Variants in KCNN3 observed in about 807,000 individuals in gnomAD.
The protein encoded by KCNN3 is potassium calcium-activated channel subfamily N member 3.
Under a neutral mutation model 62.9 loss-of-function variants are expected in KCNN3, and 16 were observed. That is an observed-to-expected ratio of 0.25 (90% CI 0.17 to 0.39). The LOEUF is 0.39. KCNN3 is among the 10% of genes least tolerant of loss of function. The probability of loss-of-function intolerance (pLI) is 1.00; values close to 1 mark genes in which losing one functional copy is unlikely to be tolerated. For synonymous variants in KCNN3, 370 were observed against 389.2 expected (o/e 0.95, Z 0.58); for missense variants, 599 against 949.4 (o/e 0.63, Z 4.85).
Position 154,812,660 on chromosome 1 carries a change from C to A in KCNN3, c.1029+9429G>T, listed in dbSNP as rs745744140. ...TGGATTGTTAAGGCAGGGGACTTGG[C>A]CACTTACTCTATTATCCTGAAAACT... On this transcript the variant is annotated intron_variant, in intron 2 of 7. Transcript: ENST00000271915. Among the ~76,000 whole-genome samples the A allele has an allele frequency of 2.4e-4, 37 of 152,168 alleles. 1 individual carries two copies. The highest frequency in any genetic ancestry group is 4.3e-4 in the Non-Finnish European group (29 of 68,030).
At chr1:154,837,271 T>TTTTG (rs755219082) in intron 1 of KCNN3, among the ~76,000 whole-genome samples, 7 of 152,094 alleles carry the variant, frequency 4.6e-5, no homozygotes, top group South Asian at 4.1e-4. Flanking sequence ...CCGGCTAGTT[T>TTTTG]TTTGTTTGTT....
rs373467572 is a variant in KCNN3 at position 154,813,481 on chromosome 1, C to T, written c.1029+8608G>A. 9.2e-5 allele frequency among the ~76,000 whole-genome samples: 14 copies of T among 152,234 alleles called. No homozygotes were observed. The East Asian group carries it at 2.5e-3, about 27-fold the overall frequency. On this transcript the variant is annotated intron_variant, in intron 2 of 7. Coordinates refer to ENST00000271915, the MANE Select transcript of KCNN3 (RefSeq NM_002249.6). ...GCGTGGGAGGCCAGGCGACGCACCG[C>T]CTTCCCATTCACAAACACGGACTCT...
chr1:154,761,782 T>C (rs1648026843), intron 3 of KCNN3, among the ~76,000 whole-genome samples: 3 of 152,026 alleles, frequency 2.0e-5, no homozygotes, highest in African/African-American at 2.4e-5. Context: ...CTACTAAAAA[T>C]ACAAAAACTT....
chr1:154,816,871 CT>C (rs1373724480), intron 2 of KCNN3, among the ~76,000 whole-genome samples: 7 of 152,338 alleles, frequency 4.6e-5, no homozygotes, highest in Admixed American at 1.3e-4. Flanking sequence ...TTCCAAAACC[CT>C]TCAGCAAGGC....
intron 3 of KCNN3, among the ~76,000 whole-genome samples, chr1:154,755,800 G>GGAA (rs1169791765): frequency 2.1e-5 from 3 of 142,578 alleles, no homozygotes; most frequent in South Asian, 4.6e-4. Context: ...AGGAGGAGGA[G>GGAA]GAAGAAGAAG....
chr1:154,752,171 G>A (rs1031934601), intron 3 of KCNN3, among the ~76,000 whole-genome samples: 11 of 152,182 alleles, frequency 7.2e-5, no homozygotes, highest in Non-Finnish European at 1.5e-4. Context: ...TGATGACGAT[G>A]ATGATTCCTT....
At chr1:154,765,628 CTTT>C (rs55633526) in intron 3 of KCNN3, among the ~76,000 whole-genome samples, 29 of 129,696 alleles carry the variant, frequency 2.2e-4, no homozygotes, top group Admixed American at 3.9e-4. Flanking sequence ...TTTCTTTTTC[CTTT>C]TTTTTTTTTT....
chr1:154,747,246 C>A (rs73005429), intron 3 of KCNN3, among the ~76,000 whole-genome samples: 2,386 of 152,288 alleles, frequency 0.016, 67 homozygotes, highest in African/African-American at 0.055. Flanking sequence ...GTGGGGGCAG[C>A]ATTCTGTTAC....
chr1:154,728,377 C>T (rs1700513767), intron 4 of KCNN3, among the ~76,000 whole-genome samples: 1 of 152,136 alleles, frequency 6.6e-6, no homozygotes, highest in African/African-American at 2.4e-5. Context: ...CCCTTAATTC[C>T]AACTTAAATG....
rs990609690 is a variant in KCNN3, at chr1:154,701,361, A to G, written c.*6615T>C. The stretch of plus-strand genomic sequence containing the variant: ...TGTACAATATTGCACCAAAGCAACA[A>G]CAGCAAGTGAGGGTCCCAGGTGAGA... On this transcript the variant is annotated 3_prime_UTR_variant, in exon 8 of 8. Coordinates refer to ENST00000271915, the MANE Select transcript of KCNN3 (RefSeq NM_002249.6). 2 of 152,224 alleles carry G rather than the reference A, an allele frequency of 1.3e-5. No homozygotes were observed. The highest frequency in any genetic ancestry group is 6.5e-5 in the Admixed American group (1 of 15,288). 9.4% of individuals were successfully genotyped at this position (152,224 alleles called of 1,614,324 possible). A position where few individuals can be genotyped will look rare whatever the true frequency, so the allele number is the denominator to read the frequency against.
intron 5 of KCNN3, among the ~76,000 whole-genome samples, chr1:154,723,634 A>G (rs1700402812): frequency 6.6e-6 from 1 of 152,222 alleles, no homozygotes; most frequent in African/African-American, 2.4e-5. Context: ...TGGAGAGGAC[A>G]AAGGAATAAC....
At chr1:154,861,147 G>T (rs775053987) in intron 1 of KCNN3, among the ~76,000 whole-genome samples, 1 of 151,980 alleles carries the variant, frequency 6.6e-6, no homozygotes, top group South Asian at 2.1e-4. Context: ...TAGAGATGAG[G>T]TTTCGCCATG....
At chr1:154,852,238 G>T (rs59461045) in intron 1 of KCNN3, among the ~76,000 whole-genome samples, 5,397 of 143,384 alleles carry the variant, frequency 0.038, 286 homozygotes, top group African/African-American at 0.12. Flanking sequence ...GGGGAGTCAG[G>T]GTCTTGCTCT....
intron 1 of KCNN3, among the ~76,000 whole-genome samples, chr1:154,829,213 G>C (rs761832441): frequency 7.9e-5 from 12 of 152,248 alleles, no homozygotes; most frequent in Non-Finnish European, 1.8e-4. Context: ...TCAGGTCAGG[G>C]GGCCCTGGAG....
At chr1:154,764,955 G>C (rs956981427) in intron 3 of KCNN3, among the ~76,000 whole-genome samples, 1 of 152,090 alleles carries the variant, frequency 6.6e-6, no homozygotes, top group Non-Finnish European at 1.5e-5. Flanking sequence ...TTGCCCTTTG[G>C]TTGCCTCATT....
intron 1 of KCNN3, among the ~76,000 whole-genome samples, chr1:154,858,894 A>T (rs1435062058): frequency 6.6e-6 from 1 of 152,114 alleles, no homozygotes; most frequent in African/African-American, 2.4e-5. Flanking sequence ...TCCTATAAGG[A>T]GGAGGATGGT....
intron 2 of KCNN3, among the ~76,000 whole-genome samples, chr1:154,814,605 C>T (rs1439591343): frequency 6.6e-6 from 1 of 152,166 alleles, no homozygotes; most frequent in Non-Finnish European, 1.5e-5. Context: ...GGCGGCCAGG[C>T]CCAAGGCCTC....
chr1:154,838,207 T>C (rs1218577), intron 1 of KCNN3, among the ~76,000 whole-genome samples: 58,005 of 151,864 alleles, frequency 0.38, 11,278 homozygotes, highest in East Asian at 0.55. Flanking sequence ...TTAGAGTCTT[T>C]GCATCTTACA....
chr1:154,868,893 T>G, intron 1 of KCNN3, 139 bp downstream of exon 1: 14 of 900,308 alleles, frequency 1.6e-5, no homozygotes, highest in East Asian at 2.5e-5. Context: ...TCCCTCCCAA[T>G]CTCTCAATCT....
Sources: allele counts gnomAD v4.1 joint callset (sites outside exome capture counted in the v4.1 genomes callset), GRCh38; gene constraint gnomAD v4.1.1; transcripts MANE v1.5; gene names NCBI Gene and HGNC (gene_info 2026-07-23, HGNC 2026-07-21).